The following NEGR1 variants were observed in gnomAD, a reference collection of about 807,000 sequenced individuals.
NEGR1 encodes the protein neuronal growth regulator 1, also known as IgLON family member 4.
In NEGR1, 10 loss-of-function variants were observed where a neutral mutation model predicts 40.9. The ratio of observed to expected loss-of-function variants is 0.24; its 90% CI spans 0.15 to 0.42. The LOEUF is 0.42. Among genes scored for constraint, NEGR1 ranks in the 10% least tolerant of loss-of-function variants. NEGR1 has a pLI of 1.00. For missense variants in NEGR1, 352 were observed against 438.9 expected (o/e 0.80, Z 1.77); for synonymous variants, 185 against 166.8 (o/e 1.11, Z -0.84).
intron 5 of NEGR1, among the ~76,000 whole-genome samples, chr1:71,599,529 G>T (rs539822528): frequency 5.5e-4 from 84 of 152,288 alleles, no homozygotes; most frequent in African/African-American, 2.0e-3. Flanking sequence ...CAACCTACTG[G>T]TTTATTGTGC....
intron 1 of NEGR1, among the ~76,000 whole-genome samples, chr1:72,028,843 C>T (rs1478448497): frequency 6.6e-6 from 1 of 152,006 alleles, no homozygotes; most frequent in Non-Finnish European, 1.5e-5. Flanking sequence ...TGTTTATTTC[C>T]CTTATTAGAC....
chr1:71,418,716 G>A (rs781551280), intron 6 of NEGR1, among the ~76,000 whole-genome samples: 34 of 151,562 alleles, frequency 2.2e-4, no homozygotes, highest in Non-Finnish European at 3.5e-4. Flanking sequence ...TCCTTCCTTG[G>A]AGCCTCATTG....
chr1:71,519,553 G>A (rs1306881496), intron 6 of NEGR1, among the ~76,000 whole-genome samples: 2 of 103,080 alleles, frequency 1.9e-5, no homozygotes, highest in Non-Finnish European at 3.8e-5. Context: ...CACAGGAAGG[G>A]GAATATCACA....
At chr1:72,086,491 C>T (rs976751575) in intron 1 of NEGR1, among the ~76,000 whole-genome samples, 5 of 152,178 alleles carry the variant, frequency 3.3e-5, no homozygotes, top group Admixed American at 2.0e-4. Flanking sequence ...TAGATTACTC[C>T]GTTGTGTGGA....
intron 2 of NEGR1, among the ~76,000 whole-genome samples, chr1:71,855,115 T>G (rs1411885596): frequency 6.6e-6 from 1 of 152,074 alleles, no homozygotes; most frequent in Non-Finnish European, 1.5e-5. Flanking sequence ...CAGTATCACG[T>G]TTAGGCATGT....
At chr1:72,275,674 T>C (rs916905523) in intron 1 of NEGR1, among the ~76,000 whole-genome samples, 3 of 152,128 alleles carry the variant, frequency 2.0e-5, no homozygotes, top group African/African-American at 7.2e-5. Context: ...TTCTCCTGAA[T>C]AATTACAGAA....
At chr1:71,901,666 A>ATTTTTT (rs33958971) in intron 2 of NEGR1, among the ~76,000 whole-genome samples, 2 of 115,858 alleles carry the variant, frequency 1.7e-5, no homozygotes, top group Non-Finnish European at 3.5e-5. Context: ...TGAGATATAA[A>ATTTTTT]TTTTTTTTTT....
chr1:71,519,688 C>T (rs901716973), intron 6 of NEGR1, among the ~76,000 whole-genome samples: 1 of 134,178 alleles, frequency 7.5e-6, no homozygotes, highest in African/African-American at 2.9e-5. Context: ...ATGTAACTAA[C>T]CTGCACAATG....
At chr1:71,975,023 C>T (rs1334139768) in intron 1 of NEGR1, among the ~76,000 whole-genome samples, 1 of 152,096 alleles carries the variant, frequency 6.6e-6, no homozygotes, top group Non-Finnish European at 1.5e-5. Context: ...AAAAATGTAA[C>T]ATTAGGAAAA....
chr1:71,482,503 A>G (rs1325137860), intron 6 of NEGR1, among the ~76,000 whole-genome samples: 3 of 151,840 alleles, frequency 2.0e-5, no homozygotes, highest in Non-Finnish European at 4.4e-5. Flanking sequence ...ATTTTAAACA[A>G]ACCCCAGCAT....
chr1:71,827,191 T>C (rs1658658825), intron 2 of NEGR1, among the ~76,000 whole-genome samples: 1 of 151,524 alleles, frequency 6.6e-6, no homozygotes, highest in African/African-American at 2.4e-5. Flanking sequence ...TCTATTGTGT[T>C]CTGTTTTATG....
At chr1:72,066,121 G>A (rs1647265930) in intron 1 of NEGR1, among the ~76,000 whole-genome samples, 2 of 152,104 alleles carry the variant, frequency 1.3e-5, no homozygotes, top group Non-Finnish European at 1.5e-5. Context: ...CTAGTTGCCA[G>A]GGGTTTTTCC....
chr1:72,182,630 T>C (rs1652424496), intron 1 of NEGR1, among the ~76,000 whole-genome samples: 1 of 152,108 alleles, frequency 6.6e-6, no homozygotes, highest in Non-Finnish European at 1.5e-5. Context: ...ATAAGTGTAC[T>C]ACACAGTTCT....
At chr1:71,796,678 T>C (rs952489612) in intron 2 of NEGR1, among the ~76,000 whole-genome samples, 8 of 152,160 alleles carry the variant, frequency 5.3e-5, no homozygotes, top group African/African-American at 1.7e-4. Flanking sequence ...TCAGAAAGTT[T>C]GCAAATGCCT....
At chr1:71,426,444 A>G (rs944042079) in intron 6 of NEGR1, among the ~76,000 whole-genome samples, 3 of 152,174 alleles carry the variant, frequency 2.0e-5, no homozygotes, top group African/African-American at 7.2e-5. Flanking sequence ...TATAATAGCA[A>G]TTTATGTTAA....
At chr1:71,500,104 C>T (rs1646989851) in intron 6 of NEGR1, among the ~76,000 whole-genome samples, 1 of 152,050 alleles carries the variant, frequency 6.6e-6, no homozygotes, top group East Asian at 1.9e-4. Context: ...TTTATGATCT[C>T]TCTCCTCTCT....
chr1:71,678,490 C>T (rs1219155201), intron 4 of NEGR1, among the ~76,000 whole-genome samples: 2 of 152,084 alleles, frequency 1.3e-5, no homozygotes, highest in East Asian at 1.9e-4. Flanking sequence ...GGACACTCCC[C>T]GAGTGATTGG....
chr1:72,164,995 A>C (rs937158403), intron 1 of NEGR1, among the ~76,000 whole-genome samples: 2 of 151,766 alleles, frequency 1.3e-5, no homozygotes, highest in Admixed American at 6.6e-5. Flanking sequence ...TTTTTTTTTC[A>C]TGACCATTTC....
chr1:72,246,782 G>A (rs1654917023), intron 1 of NEGR1, among the ~76,000 whole-genome samples: 1 of 152,152 alleles, frequency 6.6e-6, no homozygotes, highest in South Asian at 2.1e-4. Flanking sequence ...TTTCCCCTTG[G>A]CACTGCCCTA....
Sources: allele counts gnomAD v4.1 joint callset (sites outside exome capture counted in the v4.1 genomes callset), GRCh38; gene constraint gnomAD v4.1.1; transcripts MANE v1.5; gene names NCBI Gene and HGNC (gene_info 2026-07-23, HGNC 2026-07-21).